Variants in OR9Q1 observed in about 807,000 individuals in gnomAD.
The protein encoded by OR9Q1 is olfactory receptor family 9 subfamily Q member 1.
For missense variants in OR9Q1, 374 were observed against 378.8 expected (o/e 0.99, Z 0.11); for synonymous variants, 153 against 148.6 (o/e 1.03, Z -0.22).
intron 2 of OR9Q1, among the ~76,000 whole-genome samples, chr11:58,140,738 T>C (rs1325848564): frequency 1.3e-5 from 2 of 152,176 alleles, no homozygotes; most frequent in African/African-American, 4.8e-5. Context: ...CCAGCTTTGT[T>C]CTTTTGGCTT....
intron 2 of OR9Q1, among the ~76,000 whole-genome samples, chr11:58,143,626 T>A (rs1285531702): frequency 6.6e-6 from 1 of 152,148 alleles, no homozygotes; most frequent in Admixed American, 6.5e-5. Flanking sequence ...TGCATGTCCT[T>A]ACTTATAAGT....
At chr11:58,028,636 T>G (rs1314005581) in intron 1 of OR9Q1, among the ~76,000 whole-genome samples, 1 of 152,116 alleles carries the variant, frequency 6.6e-6, no homozygotes, top group African/African-American at 2.4e-5. Context: ...GCTGCTACAT[T>G]GTAAGTGAGG....
chr11:58,096,780 T>C (rs1590587863), intron 2 of OR9Q1, among the ~76,000 whole-genome samples: 1 of 148,378 alleles, frequency 6.7e-6, no homozygotes, highest in East Asian at 2.1e-4. Context: ...CTCGGCTCAC[T>C]ACAACCTACA....
At chr11:58,062,946 AGTTATG>A (rs1853394939) in intron 2 of OR9Q1, among the ~76,000 whole-genome samples, 2 of 152,186 alleles carry the variant, frequency 1.3e-5, no homozygotes, top group Admixed American at 6.5e-5. Flanking sequence ...GGTGCCCTGG[AGTTATG>A]GTTATATGAG....
At chr11:58,113,477 C>A (rs528071307) in intron 2 of OR9Q1, among the ~76,000 whole-genome samples, 1 of 152,276 alleles carries the variant, frequency 6.6e-6, no homozygotes, top group South Asian at 2.1e-4. Flanking sequence ...CAACTCATTA[C>A]CCCCCTCATT....
Position 58,177,632 on chromosome 11 carries a change from T to C in OR9Q1, c.-14-1799T>C, listed in dbSNP as rs578249779. Among the ~76,000 whole-genome samples, 5 of 152,352 alleles carry C rather than the reference T, an allele frequency of 3.3e-5. No homozygotes were observed. In the East Asian group the frequency reaches 9.6e-4, roughly 29 times the overall value. Reference sequence around the variant, plus strand: ...CACATTGTTAGGTTGAGGAAAAAAGTATAAACCCAAGAATGGCTTATGGGC... The same window carrying C: ...CACATTGTTAGGTTGAGGAAAAAAGCATAAACCCAAGAATGGCTTATGGGC... On this transcript the variant is annotated intron_variant, in intron 2 of 2. Transcript: ENST00000335397.
At chr11:58,158,956 G>A (rs1854433696) in intron 2 of OR9Q1, among the ~76,000 whole-genome samples, 1 of 152,222 alleles carries the variant, frequency 6.6e-6, no homozygotes, top group Non-Finnish European at 1.5e-5. Flanking sequence ...CAAATAAGTA[G>A]TGCTTTCTTA....
intron 1 of OR9Q1, among the ~76,000 whole-genome samples, chr11:58,027,426 G>C (rs754451879): frequency 7.9e-5 from 12 of 152,214 alleles, no homozygotes; most frequent in Non-Finnish European, 1.3e-4. Context: ...TAGCCTGTTT[G>C]TGTATGGACC....
At chr11:58,119,273 G>T (rs372729170) in intron 2 of OR9Q1, 23 of 1,613,962 alleles carry the variant, frequency 1.4e-5, no homozygotes, top group Non-Finnish European at 1.9e-5. Flanking sequence ...AAGTACATTG[G>T]GGTGTAGAGT....
At chr11:58,100,264 A>AT (rs1326313081) in intron 2 of OR9Q1, among the ~76,000 whole-genome samples, 2 of 152,200 alleles carry the variant, frequency 1.3e-5, no homozygotes, top group African/African-American at 4.8e-5. Context: ...GCATATGGCT[A>AT]TTTTTTGTTC....
At chr11:58,082,169 G>A (rs571180894) in intron 2 of OR9Q1, among the ~76,000 whole-genome samples, 1 of 152,150 alleles carries the variant, frequency 6.6e-6, no homozygotes, top group Non-Finnish European at 1.5e-5. Flanking sequence ...TGGTGGGACT[G>A]TAAACTAGTT....
At position 58,073,061 on chromosome 11, in the gene OR9Q1, G is replaced by T. The variant is rs1215854553; in HGVS notation, c.-15+17114G>T. 1.4e-5 allele frequency: 3 copies of T among 207,504 alleles called. No homozygotes were observed. In the East Asian group the frequency reaches 3.7e-4, roughly 26 times the overall value. 12.9% of individuals were successfully genotyped at this position (207,504 alleles called of 1,614,324 possible). A position where few individuals can be genotyped will look rare whatever the true frequency, so the allele number is the denominator to read the frequency against. ...CTGAGCCATAAACTGTGTTGTAGTT[G>T]ATGCCTGTCTCATATACATATGCAT... On this transcript the variant is annotated intron_variant, in intron 2 of 2. Coordinates refer to ENST00000335397, the MANE Select transcript of OR9Q1 (RefSeq NM_001005212.4).
At position 58,050,554 on chromosome 11, in the gene OR9Q1, C is replaced by T. The variant is rs1333059844; in HGVS notation, c.-92-5316C>T. Among the ~76,000 whole-genome samples, 91 of 107,260 alleles carry T rather than the reference C, an allele frequency of 8.5e-4. 2 individuals are homozygous for T. The highest frequency in any genetic ancestry group is 2.9e-3 in the African/African-American group (85 of 29,538). 70.4% of individuals were successfully genotyped at this position (107,260 alleles called of 152,430 possible). A position where few individuals can be genotyped will look rare whatever the true frequency, so the allele number is the denominator to read the frequency against. ...TAGGCGTGGGCAAGGACTTCATGTCCAAAACACCAAAAGCAATGGCAACAA... is the reference window on the plus strand; with the variant it reads ...TAGGCGTGGGCAAGGACTTCATGTCTAAAACACCAAAAGCAATGGCAACAA... On this transcript the variant is annotated intron_variant, in intron 1 of 2. Coordinates refer to ENST00000335397, the MANE Select transcript of OR9Q1 (RefSeq NM_001005212.4).
At chr11:58,136,563 TTGAC>T (rs1854191060) in intron 2 of OR9Q1, among the ~76,000 whole-genome samples, 1 of 152,186 alleles carries the variant, frequency 6.6e-6, no homozygotes, top group Non-Finnish European at 1.5e-5. Context: ...CACTAGGAAA[TTGAC>T]TGGCGGTTCT....
At chr11:58,150,261 T>C (rs1565090960) in intron 2 of OR9Q1, among the ~76,000 whole-genome samples, 1 of 152,192 alleles carries the variant, frequency 6.6e-6, no homozygotes, top group Non-Finnish European at 1.5e-5. Flanking sequence ...ATGTATCTTC[T>C]TGGAGAAATG....
Position 58,112,893 on chromosome 11 carries a change from A to T in OR9Q1, c.-15+56946A>T, listed in dbSNP as rs139649174. 1.4e-4 allele frequency among the ~76,000 whole-genome samples: 21 copies of T among 152,254 alleles called. No individual in the cohort carries two copies. In the East Asian group the frequency reaches 2.9e-3, roughly 21 times the overall value. ...CAGAGTGGGCTCAGCAAATCCTGAC[A>T]CACTGGTAGTGGTGGCTCACTATGC... On this transcript the variant is annotated intron_variant, in intron 2 of 2. Transcript: ENST00000335397.
chr11:58,074,720 AG>A (rs1408355758), intron 2 of OR9Q1, among the ~76,000 whole-genome samples: 1 of 152,148 alleles, frequency 6.6e-6, no homozygotes, highest in African/African-American at 2.4e-5. Context: ...GTTTTCTTCT[AG>A]GATTTTTTAT....
At chr11:58,073,805 C>T (rs1284211681) in intron 2 of OR9Q1, among the ~76,000 whole-genome samples, 5 of 152,094 alleles carry the variant, frequency 3.3e-5, no homozygotes, top group African/African-American at 9.7e-5. Context: ...CTCCCCTTGC[C>T]CCCCATGCCC....
intron 2 of OR9Q1, among the ~76,000 whole-genome samples, chr11:58,069,826 C>T (rs1853468702): frequency 6.6e-6 from 1 of 151,716 alleles, no homozygotes; most frequent in East Asian, 2.0e-4. Context: ...GTCAAGATGG[C>T]TCCACTGCAT....
Sources: allele counts gnomAD v4.1 joint callset (sites outside exome capture counted in the v4.1 genomes callset), GRCh38; gene constraint gnomAD v4.1.1; transcripts MANE v1.5; gene names NCBI Gene and HGNC (gene_info 2026-07-23, HGNC 2026-07-21).